CCDC73: variants seen among roughly 807,000 people sequenced by gnomAD.
CCDC73 encodes the protein coiled-coil domain containing 73.
In CCDC73, 95 loss-of-function variants were observed where a neutral mutation model predicts 116.5. The ratio of observed to expected loss-of-function variants is 0.82; its 90% CI spans 0.69 to 0.97. CCDC73 has a LOEUF of 0.97. CCDC73 is among the 50% of genes least tolerant of loss of function. The pLI is 0.00. For missense variants in CCDC73, 1,066 were observed against 1,206.8 expected (o/e 0.88, Z 1.73); for synonymous variants, 398 against 401.3 (o/e 0.99, Z 0.10).
chr11:32,632,228 G>A (rs1040960835), intron 14 of CCDC73, among the ~76,000 whole-genome samples: 1 of 152,018 alleles, frequency 6.6e-6, no homozygotes, highest in Non-Finnish European at 1.5e-5. Context: ...GTTTATTTTT[G>A]TTGTTTGTTT....
chr11:32,691,641 C>T (rs955157281), intron 6 of CCDC73, among the ~76,000 whole-genome samples: 3 of 152,020 alleles, frequency 2.0e-5, no homozygotes, highest in Non-Finnish European at 4.4e-5. Context: ...ATGTTTTCTC[C>T]TACTCTGTGG....
chr11:32,810,325 A>G, the CCDC73 span, among the ~76,000 whole-genome samples: 1 of 152,256 alleles, frequency 6.6e-6, no homozygotes, highest in African/African-American at 2.4e-5. Context: ...TTAAAATGAT[A>G]AATGTACATG....
intron 6 of CCDC73, among the ~76,000 whole-genome samples, chr11:32,694,127 C>T (rs942714752): frequency 2.0e-5 from 3 of 152,146 alleles, no homozygotes; most frequent in African/African-American, 7.2e-5. Context: ...GTCAAATTGT[C>T]CCTGTTTCCA....
chr11:32,754,130 T>G (rs1850311814), intron 2 of CCDC73, among the ~76,000 whole-genome samples: 1 of 152,216 alleles, frequency 6.6e-6, no homozygotes, highest in Non-Finnish European at 1.5e-5. Context: ...TATTGGCTAT[T>G]CTCATGCATT....
intron 1 of CCDC73, among the ~76,000 whole-genome samples, chr11:32,785,641 G>A (rs983052307): frequency 1.3e-5 from 2 of 152,138 alleles, no homozygotes; most frequent in African/African-American, 2.4e-5. Context: ...CTAGGCTCAA[G>A]CAATCCTCCT....
chr11:32,822,013 G>A, the CCDC73 span, among the ~76,000 whole-genome samples: 1 of 152,146 alleles, frequency 6.6e-6, no homozygotes, highest in African/African-American at 2.4e-5. Flanking sequence ...CTCTTCTTCA[G>A]GGCTCAGCTG....
chr11:32,621,662 G>T (rs1855524085), intron 14 of CCDC73, among the ~76,000 whole-genome samples: 1 of 151,844 alleles, frequency 6.6e-6, no homozygotes, highest in African/African-American at 2.4e-5. Flanking sequence ...CAAAAGCCAT[G>T]GGATCTAATT....
At chr11:32,617,643 C>A (rs1162724790) in intron 14 of CCDC73, among the ~76,000 whole-genome samples, 1 of 152,096 alleles carries the variant, frequency 6.6e-6, no homozygotes, top group East Asian at 1.9e-4. Context: ...TGGACTTGGT[C>A]AATGATTGGA....
At chr11:32,698,400 T>C (rs1356902253) in intron 6 of CCDC73, among the ~76,000 whole-genome samples, 1 of 152,178 alleles carries the variant, frequency 6.6e-6, no homozygotes, top group Non-Finnish European at 1.5e-5. Flanking sequence ...CTAATTGTTT[T>C]TATCATAATT....
intron 7 of CCDC73, among the ~76,000 whole-genome samples, chr11:32,678,604 G>T (rs372240089): frequency 6.6e-6 from 1 of 151,966 alleles, no homozygotes; most frequent in Admixed American, 6.6e-5. Flanking sequence ...TTCACGAAGG[G>T]CTGGGTCATG....
intron 2 of CCDC73, among the ~76,000 whole-genome samples, chr11:32,755,790 TC>T (rs1393449761): frequency 1.6e-5 from 2 of 125,836 alleles, no homozygotes; most frequent in Non-Finnish European, 3.2e-5. Context: ...TATATATATC[TC>T]CATATATGTG....
intron 2 of CCDC73, among the ~76,000 whole-genome samples, chr11:32,752,359 A>C (rs1850293995): frequency 6.6e-6 from 1 of 152,206 alleles, no homozygotes; most frequent in South Asian, 2.1e-4. Flanking sequence ...CAGTATAGTA[A>C]ATATCACTGT....
chr11:32,612,156 C>G (rs780983905), intron 16 of CCDC73, among the ~76,000 whole-genome samples: 3 of 152,042 alleles, frequency 2.0e-5, no homozygotes, highest in Admixed American at 6.6e-5. Context: ...TTAAAAGAAG[C>G]CTGTTAAATC....
chr11:32,692,962 T>C (rs1469859774), intron 6 of CCDC73, among the ~76,000 whole-genome samples: 1 of 152,242 alleles, frequency 6.6e-6, no homozygotes, highest in African/African-American at 2.4e-5. Context: ...TGTAAGAAGG[T>C]TGCCCTGCTC....
At chr11:32,654,396 A>C (rs1656678560) in intron 10 of CCDC73, among the ~76,000 whole-genome samples, 1 of 151,772 alleles carries the variant, frequency 6.6e-6, no homozygotes, top group Admixed American at 6.6e-5. Flanking sequence ...CTGGTCTTGA[A>C]CTCCTAACCT....
intron 2 of CCDC73, among the ~76,000 whole-genome samples, chr11:32,727,161 A>C (rs1176049656): frequency 2.6e-5 from 4 of 152,196 alleles, no homozygotes; most frequent in African/African-American, 7.2e-5. Context: ...TGGGGGAAGA[A>C]TGTCATAGAG....
chr11:32,703,835 T>C (rs1849832963), intron 3 of CCDC73, among the ~76,000 whole-genome samples: 1 of 152,262 alleles, frequency 6.6e-6, no homozygotes, highest in African/African-American at 2.4e-5. Context: ...TAGATGACTT[T>C]AACATTCTTC....
chr11:32,642,875 TA>T (rs200401929), intron 12 of CCDC73, among the ~76,000 whole-genome samples: 76 of 151,384 alleles, frequency 5.0e-4, no homozygotes, highest in African/African-American at 1.6e-3. Flanking sequence ...TTTTTTTTTT[TA>T]AAAAAAGTAA....
At chr11:32,650,247 C>G (rs1454732594) in intron 12 of CCDC73, among the ~76,000 whole-genome samples, 2 of 152,110 alleles carry the variant, frequency 1.3e-5, no homozygotes, top group Non-Finnish European at 2.9e-5. Context: ...AATATCTTAA[C>G]AGTATGTTAT....
Sources: allele counts gnomAD v4.1 joint callset (sites outside exome capture counted in the v4.1 genomes callset), GRCh38; gene constraint gnomAD v4.1.1; transcripts MANE v1.5; gene names NCBI Gene and HGNC (gene_info 2026-07-23, HGNC 2026-07-21).